CDHR2: variants seen among roughly 807,000 people sequenced by gnomAD.
CDHR2 encodes the protein cadherin-related family member 2.
Under a neutral mutation model 138.6 loss-of-function variants are expected in CDHR2, and 104 were observed. The ratio of observed to expected loss-of-function variants is 0.75; its 90% CI spans 0.64 to 0.88. The LOEUF (loss-of-function observed/expected upper bound fraction) is 0.88, where lower values mean the gene tolerates loss of function less well. Among genes scored for constraint, CDHR2 ranks in the 40% least tolerant of loss-of-function variants. The pLI is 0.00. For missense variants in CDHR2, 1,624 were observed against 1,727.6 expected (o/e 0.94, Z 1.06); for synonymous variants, 755 against 742.8 (o/e 1.02, Z -0.27).
In CDHR2 at chr5:176,595,713, CCACACCCTAACTGCA is replaced by C; in HGVS notation, c.*43_*57del. 1.3e-6 allele frequency: 2 copies of C among 1,482,400 alleles called. No individual in the cohort carries two copies. The highest frequency in any genetic ancestry group is 2.8e-5 in the South Asian group (2 of 72,624). The allele number at this position is 1,482,400 out of a possible 1,614,324, so 91.8% of individuals were successfully genotyped here. ...TTCTGGACCCCTTGAAGAGGCCCTA[CCACACCCTAACTGCA>C]CCTGTCTCCCTGGAGATGAAAATAT... is the stretch of plus-strand genomic sequence containing the variant. On this transcript the variant is annotated 3_prime_UTR_variant, in exon 32 of 32. Transcript: ENST00000261944.
At chr5:176,565,635 G>C in intron 2 of CDHR2, 37 bp from the exon 3 acceptor site, 1 of 1,585,770 alleles carries the variant, frequency 6.3e-7, no homozygotes, top group East Asian at 2.3e-5. Flanking sequence ...GGTTTTGCAG[G>C]GGTGTCCCGA....
At chr5:176,589,758 C>T in intron 24 of CDHR2, 142 bp downstream of exon 24, 1 of 748,074 alleles carries the variant, frequency 1.3e-6, no homozygotes, top group Non-Finnish European at 2.2e-6. Context: ...CCTGTACTTT[C>T]ACCTGCACGA....
At chr5:176,569,774 C>G (rs996082772) in intron 5 of CDHR2, among the ~76,000 whole-genome samples, 8 of 152,030 alleles carry the variant, frequency 5.3e-5, no homozygotes, top group African/African-American at 1.9e-4. Context: ...CCCTGGCCAA[C>G]ATGGAGAAAC....
chr5:176,585,360 G>C (rs750679855), intron 19 of CDHR2, among the ~76,000 whole-genome samples: 1 of 152,186 alleles, frequency 6.6e-6, no homozygotes, highest in Admixed American at 6.5e-5. Context: ...TCCCACTTCT[G>C]ACACCAAATA....
At chr5:176,592,460 T>C (rs1257679877) in intron 30 of CDHR2, among the ~76,000 whole-genome samples, 1 of 144,566 alleles carries the variant, frequency 6.9e-6, no homozygotes, top group Non-Finnish European at 1.5e-5. Context: ...ACGGTGGTGG[T>C]GGTGGTGTTG....
upstream of CDHR2, chr5:176,549,302 G>A (rs1221149921): frequency 6.6e-6 from 1 of 152,396 alleles, no homozygotes; most frequent in Non-Finnish European, 1.5e-5. Context: ...AGTGGAGGTG[G>A]AGATGGTGCC....
At chr5:176,544,375 C>CTT (rs33922574), upstream of CDHR2, among the ~76,000 whole-genome samples, 138,117 of 146,156 alleles carry the variant, frequency 0.94, 65,678 homozygotes, top group Middle Eastern at 1. Context: ...TCTTTCTTTC[C>CTT]TTTTTTTCTT....
At chr5:176,577,304 G>T in intron 12 of CDHR2, 95 bp from the exon 13 acceptor site, 1 of 1,348,448 alleles carries the variant, frequency 7.4e-7, no homozygotes, top group Non-Finnish European at 1.0e-6. Flanking sequence ...ACCTCATCGG[G>T]CGGGGCATCC....
chr5:176,582,458 G>C (rs767560476), intron 17 of CDHR2, among the ~76,000 whole-genome samples: 3 of 101,520 alleles, frequency 3.0e-5, no homozygotes, highest in Non-Finnish European at 4.9e-5. Flanking sequence ...ATAAGTCACT[G>C]AGCCCGGTTT....
intron 7 of CDHR2, 90 bp downstream of exon 7, chr5:176,574,262 G>C: frequency 1.0e-6 from 1 of 982,620 alleles, no homozygotes; most frequent in South Asian, 1.4e-5. Context: ...GTTGGGGTGG[G>C]GACATTGGTC....
chr5:176,590,225 C>T (rs908894648), intron 25 of CDHR2, 28 bp from the exon 26 acceptor site: 2 of 1,613,872 alleles, frequency 1.2e-6, no homozygotes, highest in African/African-American at 2.7e-5. Context: ...ATCCAGGCTC[C>T]TGACTCTTCA....
Position 176,577,738 on chromosome 5 carries a change from G to T in CDHR2, c.1452G>T (p.Leu484Phe), listed in dbSNP as rs767352630. ...ACAGGCCCACGTTTCCCCAGAGCTT[G>T]TACGTCCTCACGGTGCCAGAGCACA... ...NDHRPTFPQS[L>F]YVLTVPEHSA... Residue 484 changes from leucine to phenylalanine, a missense_variant, in exon 14 of 32, where the codon TTG (leucine) becomes TTT (phenylalanine). Coordinates refer to ENST00000261944, the MANE Select transcript of CDHR2 (RefSeq NM_017675.6). 6.2e-7 allele frequency: 1 copy of T among 1,614,222 alleles called. No homozygotes were observed. Among genetic ancestry groups the T allele is most frequent in the Non-Finnish European group, 8.5e-7 (1 of 1,180,040 alleles).
downstream of CDHR2, chr5:176,595,913 C>G: frequency 2.5e-6 from 1 of 398,078 alleles, no homozygotes; most frequent in East Asian, 3.9e-5. Context: ...GGGCTCACAG[C>G]ACAGGGGGGA....
At chr5:176,544,001 C>T (rs555640258) in intron 1 of CDHR2, among the ~76,000 whole-genome samples, 6 of 152,258 alleles carry the variant, frequency 3.9e-5, no homozygotes, top group Admixed American at 1.3e-4. Flanking sequence ...CCACCGTCCC[C>T]GCCTCCTGGG....
At chr5:176,565,204 G>A (rs1410786301) in intron 1 of CDHR2, 134 bp from the exon 2 acceptor site, 5 of 678,748 alleles carry the variant, frequency 7.4e-6, no homozygotes, top group Admixed American at 4.5e-5. Context: ...AATGGACAGA[G>A]GGTGATAGAG....
Position 176,590,236 on chromosome 5 carries a change from ACT to A in CDHR2, c.3276-14_3276-13del. 6.2e-7 allele frequency: 1 copy of A among 1,613,654 alleles called. No individual in the cohort carries two copies. The highest frequency in any genetic ancestry group is 8.5e-7 in the Non-Finnish European group (1 of 1,179,870). ...GGTGATCCAGGCTCCTGACTCTTCA[ACT>A]CTGTCCCGCTCCAGGGCCCGACCTC... On this transcript the variant is annotated splice_polypyrimidine_tract_variant and intron_variant, in intron 25 of 31. Coordinates refer to ENST00000261944, the MANE Select transcript of CDHR2 (RefSeq NM_017675.6).
rs1581150569 is a variant in CDHR2 at position 176,589,703 on chromosome 5, C to A, written c.3206+87C>A. The stretch of plus-strand genomic sequence containing the variant: ...GACAAAACCTGGATGGGATGTCTCT[C>A]AATCCTGTTCCTGACCCACATTTGA... On this transcript the variant is annotated intron_variant, in intron 24 of 31. Transcript: ENST00000261944. The A allele has an allele frequency of 5.3e-6, 6 of 1,138,844 alleles. No individual in the cohort carries two copies. In the East Asian group the frequency reaches 1.2e-4, roughly 23 times the overall value. 70.5% of individuals were successfully genotyped at this position (1,138,844 alleles called of 1,614,324 possible).
intron 1 of CDHR2, among the ~76,000 whole-genome samples, chr5:176,551,951 AC>A (rs1455155534): frequency 6.6e-6 from 1 of 150,924 alleles, no homozygotes; most frequent in Non-Finnish European, 1.5e-5. Context: ...CCTGACCCCG[AC>A]CCCGTAATCG....
In CDHR2 at chr5:176,576,150, G is replaced by A. The variant is rs1395522059; in HGVS notation, c.1159G>A (p.Asp387Asn). Residue 387 changes from aspartate to asparagine, a missense_variant, in exon 12 of 32, where the codon GAT (aspartate) becomes AAT (asparagine). Asp to Asn is a conservative substitution (Grantham distance 23, BLOSUM62 1). This residue lies in a region of CDHR2 where 1,061 missense variants were observed against 1,136.6 expected (regional missense o/e 0.93). Coordinates refer to ENST00000261944, the MANE Select transcript of CDHR2 (RefSeq NM_017675.6). This position sits in a 1 kb window ranked among gnomAD's most constrained non-coding sequence, Gnocchi z 4.5. ...GCATGCCTCCCCCCGCATCCCCATC[G>A]ATGACCTCACCATGGTGGTCTACGA... The part of the protein sequence containing the change: ...DEHASPRIPI[D>N]DLTMVVYDPD... 1.6e-5 allele frequency: 26 copies of A among 1,613,316 alleles called. No individual in the cohort carries two copies. Among genetic ancestry groups the A allele is most frequent in the Admixed American group, 3.3e-5 (2 of 60,004 alleles).
Sources: allele counts gnomAD v4.1 joint callset (sites outside exome capture counted in the v4.1 genomes callset), GRCh38; gene constraint gnomAD v4.1.1; regional missense constraint gnomAD v4.1.1; non-coding constraint Gnocchi (gnomAD v3.1); transcripts MANE v1.5; gene names NCBI Gene and HGNC (gene_info 2026-07-23, HGNC 2026-07-21).